Variants in KCNIP3 observed in about 807,000 individuals in gnomAD.
KCNIP3 encodes the protein potassium voltage-gated channel interacting protein 3, also known as calsenilin.
A neutral mutation model predicts 35.0 loss-of-function variants in KCNIP3; 28 were observed. That is an observed-to-expected ratio of 0.80 (90% CI 0.59 to 1.10). The LOEUF is 1.10. KCNIP3 is among the 50% of genes least tolerant of loss of function. The probability of loss-of-function intolerance (pLI) is 0.00; values close to 1 mark genes in which losing one functional copy is unlikely to be tolerated. For synonymous variants in KCNIP3, 134 were observed against 133.8 expected (o/e 1.00, Z -0.01); for missense variants, 295 against 338.4 (o/e 0.87, Z 1.01).
chr2:95,383,364 C>T, intron 8 of KCNIP3, 70 bp downstream of exon 8: 1 of 1,484,880 alleles, frequency 6.7e-7, no homozygotes, highest in African/African-American at 1.4e-5. Context: ...TTGGCAGCGT[C>T]TGCCCCTTCC....
intron 2 of KCNIP3, among the ~76,000 whole-genome samples, chr2:95,371,103 C>A (rs1486382557): frequency 6.6e-6 from 1 of 152,132 alleles, no homozygotes; most frequent in East Asian, 1.9e-4. Flanking sequence ...TTATTATGTT[C>A]TTTCTTCTAT....
intron 2 of KCNIP3, chr2:95,312,120 A>T (rs918963305): frequency 6.6e-6 from 1 of 151,908 alleles, no homozygotes; most frequent in Non-Finnish European, 1.5e-5. Context: ...TCAGTCTTCC[A>T]GGGTTTTCTT....
intron 2 of KCNIP3, among the ~76,000 whole-genome samples, chr2:95,324,923 A>G (rs1255882768): frequency 6.6e-6 from 1 of 152,160 alleles, no homozygotes; most frequent in Non-Finnish European, 1.5e-5. Flanking sequence ...AAACAAGACA[A>G]AACAAAAGAC....
chr2:95,299,912 T>G (rs1307004730), intron 1 of KCNIP3, among the ~76,000 whole-genome samples: 2 of 152,210 alleles, frequency 1.3e-5, no homozygotes, highest in Non-Finnish European at 2.9e-5. Flanking sequence ...TCTCCCGCAT[T>G]ATCTCCCTGG....
intron 2 of KCNIP3, among the ~76,000 whole-genome samples, chr2:95,365,711 G>A (rs1163138439): frequency 2.0e-5 from 3 of 152,060 alleles, no homozygotes; most frequent in Non-Finnish European, 2.9e-5. Context: ...CTTGGCCCTC[G>A]GGAAAGAGGA....
chr2:95,315,744 T>A (rs1558760582), intron 2 of KCNIP3, among the ~76,000 whole-genome samples: 1 of 152,098 alleles, frequency 6.6e-6, no homozygotes, highest in Non-Finnish European at 1.5e-5. Context: ...CCGAAAGTTT[T>A]TCCTCCTCAG....
intron 2 of KCNIP3, among the ~76,000 whole-genome samples, chr2:95,315,014 G>C (rs1004395304): frequency 1.1e-4 from 16 of 152,184 alleles, no homozygotes; most frequent in Admixed American, 3.3e-4. Context: ...TGCCTCTGGG[G>C]GTGGGCACAG....
chr2:95,301,723 G>A (rs1247079158), intron 1 of KCNIP3, among the ~76,000 whole-genome samples: 3 of 152,064 alleles, frequency 2.0e-5, no homozygotes, highest in Non-Finnish European at 4.4e-5. Flanking sequence ...GTTCACCCCT[G>A]GGTTAACGTG....
At chr2:95,325,619 A>G (rs1163094765) in intron 2 of KCNIP3, among the ~76,000 whole-genome samples, 3 of 151,538 alleles carry the variant, frequency 2.0e-5, no homozygotes, top group Non-Finnish European at 4.4e-5. Flanking sequence ...ACACGTACAC[A>G]CACACACTCA....
intron 1 of KCNIP3, 47 bp downstream of exon 1, chr2:95,297,500 G>A (rs766087819): frequency 3.1e-6 from 2 of 645,662 alleles, no homozygotes; most frequent in East Asian, 3.2e-5. Context: ...GGGTCGGGGG[G>A]AGGAATGGAG....
intron 2 of KCNIP3, among the ~76,000 whole-genome samples, chr2:95,320,926 C>A (rs1233029946): frequency 7.3e-6 from 1 of 137,176 alleles, no homozygotes; most frequent in Non-Finnish European, 1.6e-5. Context: ...CCTGCCCCCC[C>A]AGCCTTCCCT....
intron 2 of KCNIP3, among the ~76,000 whole-genome samples, chr2:95,373,581 C>T (rs1361850248): frequency 6.6e-6 from 1 of 152,104 alleles, no homozygotes; most frequent in Admixed American, 6.5e-5. Flanking sequence ...CGCCACCATG[C>T]CTGGCTAATT....
intron 1 of KCNIP3, among the ~76,000 whole-genome samples, chr2:95,305,072 C>A (rs1272719863): frequency 6.6e-6 from 1 of 152,208 alleles, no homozygotes; most frequent in Admixed American, 6.5e-5. Context: ...CTGCCTGAAC[C>A]CAGGGCCCAG....
intron 2 of KCNIP3, among the ~76,000 whole-genome samples, chr2:95,336,642 A>G (rs970741401): frequency 9.2e-5 from 14 of 152,024 alleles, no homozygotes; most frequent in African/African-American, 3.4e-4. Flanking sequence ...CAGGCCCTGG[A>G]TTTACTTACC....
At chr2:95,383,390 C>A in intron 8 of KCNIP3, 96 bp downstream of exon 8, 1 of 1,226,576 alleles carries the variant, frequency 8.2e-7, no homozygotes, top group Non-Finnish European at 1.2e-6. Context: ...CCCAGTCCCA[C>A]CCCTGCCAGT....
chr2:95,346,221 C>G (rs944278085), intron 2 of KCNIP3, among the ~76,000 whole-genome samples: 1 of 150,996 alleles, frequency 6.6e-6, no homozygotes. Context: ...CTTCCCGGAT[C>G]CCCCGCCGCC....
Position 95,384,117 on chromosome 2 carries a change from C to A in KCNIP3, c.*68C>A. ...CAAGAAACCTCCATCCTGCCAGGAG[C>A]AGCCTCCAAGAAACTTTTAAAAAAT... is the stretch of plus-strand genomic sequence containing the variant. On this transcript the variant is annotated 3_prime_UTR_variant, in exon 9 of 9. Coordinates refer to ENST00000295225, the MANE Select transcript of KCNIP3 (RefSeq NM_013434.5). 1 of 1,443,106 alleles carries A rather than the reference C, an allele frequency of 6.9e-7. No homozygotes were observed. Among genetic ancestry groups the A allele is most frequent in the Non-Finnish European group, 9.8e-7 (1 of 1,025,432 alleles). 89.4% of individuals were successfully genotyped at this position (1,443,106 alleles called of 1,614,324 possible). A position where few individuals can be genotyped will look rare whatever the true frequency, so the allele number is the denominator to read the frequency against.
intron 1 of KCNIP3, among the ~76,000 whole-genome samples, chr2:95,298,415 G>A (rs1677933068): frequency 6.6e-6 from 1 of 152,142 alleles, no homozygotes; most frequent in South Asian, 2.1e-4. Flanking sequence ...ATAACTGCTG[G>A]AGCTCCAGCC....
chr2:95,368,606 C>T (rs964422533), intron 2 of KCNIP3: 6 of 373,384 alleles, frequency 1.6e-5, no homozygotes, highest in African/African-American at 8.4e-5. Context: ...TTTGCCATCC[C>T]GTTTCTGTGT....
Sources: allele counts gnomAD v4.1 joint callset (sites outside exome capture counted in the v4.1 genomes callset), GRCh38; gene constraint gnomAD v4.1.1; transcripts MANE v1.5; gene names NCBI Gene and HGNC (gene_info 2026-07-23, HGNC 2026-07-21).